Variants in DMKN observed in about 807,000 individuals in gnomAD.
The protein encoded by DMKN is dermokine, also known as epidermis-specific secreted protein SK30/SK89.
Under a neutral mutation model 67.6 loss-of-function variants are expected in DMKN, and 58 were observed. The ratio of observed to expected loss-of-function variants is 0.86; its 90% CI spans 0.69 to 1.07. The LOEUF is 1.07. DMKN is among the 50% of genes least tolerant of loss of function. The probability of loss-of-function intolerance (pLI) is 0.00; values close to 1 mark genes in which losing one functional copy is unlikely to be tolerated. For missense variants in DMKN, 596 were observed against 601.5 expected (o/e 0.99, Z 0.10); for synonymous variants, 240 against 232.3 (o/e 1.03, Z -0.30).
At chr19:35,505,835 C>T (rs892982843) in intron 8 of DMKN, 70 bp from the exon 9 acceptor site, 1 of 1,613,202 alleles carries the variant, frequency 6.2e-7, no homozygotes, top group African/African-American at 1.3e-5. Flanking sequence ...AGGTCAAGGG[C>T]CACTGCTGAC....
intron 5 of DMKN, chr19:35,510,508 G>C (rs1229892487): frequency 7.1e-6 from 11 of 1,548,062 alleles, no homozygotes; most frequent in African/African-American, 1.4e-5. Context: ...CCGCAGGCCG[G>C]GGGTGGGAAC....
chr19:35,501,959 C>A, intron 11 of DMKN, 177 bp downstream of exon 11: 1 of 1,550,222 alleles, frequency 6.5e-7, no homozygotes, highest in East Asian at 2.4e-5. Flanking sequence ...GAGGTCCTCC[C>A]ACCCTGCTCC....
chr19:35,503,814 T>G (rs2068902287), intron 9 of DMKN, among the ~76,000 whole-genome samples: 1 of 151,950 alleles, frequency 6.6e-6, no homozygotes. Flanking sequence ...AAATAGGAAT[T>G]CCAGGGCATT....
rs1481801810 is a variant in DMKN, at chr19:35,513,600, C to CT, written c.-126dup. ...CCTTCCGACTCCCTGTCCTCCCTCC[C>CT]TCTGGGTCTGCAGCCTTCTCTCTCC... On this transcript the variant is annotated 5_prime_UTR_variant, in exon 1 of 16. Transcript: ENST00000339686. 2 of 1,274,914 alleles carry CT rather than the reference C, an allele frequency of 1.6e-6. No individual in the cohort carries two copies. The highest frequency in any genetic ancestry group is 2.1e-6 in the Non-Finnish European group (2 of 951,108). The allele number at this position is 1,274,914 out of a possible 1,614,324, so 79.0% of individuals were successfully genotyped here.
rs370899637 is a variant in DMKN at position 35,510,018 on chromosome 19, C to A, written c.988-57G>T. ...CAGTCCCCTCCCAGACCAGTCCCAG[C>A]CCCAAAATGGCAGCATTTTAACCCT... On this transcript the variant is annotated intron_variant, in intron 6 of 15. Transcript: ENST00000339686. The A allele has an allele frequency of 6.8e-6, 11 of 1,607,976 alleles. No homozygotes were observed. In the South Asian group the frequency reaches 7.7e-5, roughly 11 times the overall value.
At position 35,513,462 on chromosome 19, in the gene DMKN, C is replaced by T; in HGVS notation, c.14G>A (p.Gly5Glu). Residue 5 changes from glycine to glutamate, a missense_variant, in exon 1 of 16, where the codon GGG (glycine) becomes GAG (glutamate). By Grantham distance (98) the Gly-to-Glu change is moderately conservative. Coordinates refer to ENST00000339686, the MANE Select transcript of DMKN (RefSeq NM_033317.5). The stretch of plus-strand genomic sequence containing the variant: ...GGCCAGCAGGAGGCAGGCCAGGGGC[C>T]CCTGGAACTTCATCTCTGCCCAGCC... MKFQ[G>E]PLACLLLALC... is the part of the protein sequence containing the mutation. 1.3e-6 allele frequency: 2 copies of T among 1,597,410 alleles called. No homozygotes were observed. Among genetic ancestry groups the T allele is most frequent in the Non-Finnish European group, 1.7e-6 (2 of 1,178,878 alleles).
At chr19:35,505,867 C>G (rs1470573457) in intron 8 of DMKN, 72 bp downstream of exon 8, 1 of 1,613,626 alleles carries the variant, frequency 6.2e-7, no homozygotes, top group Non-Finnish European at 8.5e-7. Flanking sequence ...AAAGAGGACC[C>G]CAGACTGTGG....
intron 9 of DMKN, 116 bp from the exon 10 acceptor site, chr19:35,503,002 A>T: frequency 1.6e-6 from 2 of 1,228,104 alleles, no homozygotes; most frequent in Non-Finnish European, 2.3e-6. Flanking sequence ...AAGGTTGGGG[A>T]TGGGAGGAGC....
chr19:35,502,885 T>C lies in DMKN; in HGVS notation c.1136A>G (p.Asn379Ser), dbSNP rs746893178. ...TCGGGTGCTGGGGGGCGGGACCTGG[T>C]TCTGTGGATGAAAGGCGGGGAGCAG... is the stretch of plus-strand genomic sequence containing the variant. ...GFINWDAINK[N>S]QVPPPSTRAL... is the part of the protein sequence containing the mutation. The change falls in exon 10 of 16, where the codon AAC becomes AGC. Residue 379 changes from asparagine to serine, a missense_variant and splice_region_variant. Physicochemically the swap from Asn to Ser is conservative, Grantham distance 46 (BLOSUM62 1). Transcript: ENST00000339686. 7 of 1,613,522 alleles carry C rather than the reference T, an allele frequency of 4.3e-6. No individual in the cohort carries two copies. The highest frequency in any genetic ancestry group is 1.6e-4 in the Middle Eastern group (1 of 6,066).
rs543917875 is a variant in DMKN, at chr19:35,504,433, C to T, written c.1134+1285G>A. On this transcript the variant is annotated intron_variant, in intron 9 of 15. Transcript: ENST00000339686. ...CTCTACTAAAAATACAAACATTACCCGGGTGTGGTGGCGGGCACCTGTAAA... is the reference window on the plus strand; with the variant it reads ...CTCTACTAAAAATACAAACATTACCTGGGTGTGGTGGCGGGCACCTGTAAA... Among the ~76,000 whole-genome samples, 26 of 151,934 alleles carry T rather than the reference C, an allele frequency of 1.7e-4. 1 individual carries two copies. In the South Asian group the frequency reaches 4.0e-3, roughly 23 times the overall value.
intron 9 of DMKN, chr19:35,503,468 T>TG (rs2068790342): frequency 6.7e-7 from 1 of 1,490,260 alleles, no homozygotes; most frequent in Non-Finnish European, 8.9e-7. Flanking sequence ...AAACAGGTTT[T>TG]TTTTTGTTTT....
Position 35,512,691 on chromosome 19 carries a change from A to G in DMKN, c.526T>C (p.Tyr176His), listed in dbSNP as rs1445637496. 6.2e-6 allele frequency: 10 copies of G among 1,614,058 alleles called. No individual in the cohort carries two copies. The highest frequency in any genetic ancestry group is 8.5e-6 in the Non-Finnish European group (10 of 1,180,030). Reference sequence around the variant, plus strand: ...AAGCTGCCTGCTGAGTTTCCGGGGTATCCGTGGACCCACGGAGTCCCCAGA... The same window carrying G: ...AAGCTGCCTGCTGAGTTTCCGGGGTGTCCGTGGACCCACGGAGTCCCCAGA... ...GGLGTPWVHG[Y>H]PGNSAGSFGM... Residue 176 changes from tyrosine to histidine, a missense_variant, in exon 2 of 16, where the codon TAC becomes CAC. Tyr to His is a moderately conservative substitution (Grantham distance 83). Coordinates refer to ENST00000339686, the MANE Select transcript of DMKN (RefSeq NM_033317.5).
At chr19:35,510,426 A>T in intron 5 of DMKN, 174 bp from the exon 6 acceptor site, 1 of 1,552,342 alleles carries the variant, frequency 6.4e-7, no homozygotes, top group Non-Finnish European at 8.7e-7. Flanking sequence ...TATTCCGAGC[A>T]TGGAGAAGGC....
intron 12 of DMKN, 24 bp from the exon 13 acceptor site, chr19:35,500,053 G>A: frequency 6.2e-7 from 1 of 1,613,868 alleles, no homozygotes; most frequent in Non-Finnish European, 8.5e-7. Flanking sequence ...GGGCATGGCG[G>A]TTAGAACAGA....
Position 35,497,519 on chromosome 19 carries a change from T to C in DMKN, c.*20A>G, listed in dbSNP as rs1241603746. On this transcript the variant is annotated 3_prime_UTR_variant, in exon 16 of 16. Transcript: ENST00000339686. ...CGACCAGTGCTTTTCGGGGCCTCGG[T>C]GGTGGTTGCAAGAAATTGCCTAGAA... 1 of 152,002 alleles carries C rather than the reference T, an allele frequency of 6.6e-6. No homozygotes were observed. Among genetic ancestry groups the C allele is most frequent in the African/African-American group, 2.4e-5 (1 of 41,370 alleles). 9.4% of individuals were successfully genotyped at this position (152,002 alleles called of 1,614,324 possible). A position where few individuals can be genotyped will look rare whatever the true frequency, so the allele number is the denominator to read the frequency against.
chr19:35,502,525 C>T (rs1165683997), intron 10 of DMKN, among the ~76,000 whole-genome samples: 1 of 151,772 alleles, frequency 6.6e-6, no homozygotes, highest in Admixed American at 6.6e-5. Context: ...TGGTATAAAC[C>T]CTGTCTCTAC....
At chr19:35,511,894 C>T in intron 3 of DMKN, 81 bp from the exon 4 acceptor site, 1 of 1,446,384 alleles carries the variant, frequency 6.9e-7, no homozygotes, top group Non-Finnish European at 9.3e-7. Flanking sequence ...GGCCAGGCCT[C>T]TCCCATTCTT....
At chr19:35,499,313 C>T (rs1283468149) in intron 13 of DMKN, 1 of 251,672 alleles carries the variant, frequency 4.0e-6, no homozygotes, top group Middle Eastern at 1.4e-3. Context: ...GTGGAAGGTC[C>T]TCTCCCCAAG....
In DMKN at chr19:35,503,402, G is replaced by A. The variant is rs759788232; in HGVS notation, c.1135-516C>T. On this transcript the variant is annotated intron_variant, in intron 9 of 15. Transcript: ENST00000339686. The stretch of plus-strand genomic sequence containing the variant: ...AGTGTGGGGGCTCCCATCCAATCTG[G>A]TGGCTCCTTGTCTGGAGGTCACGGG... The A allele has an allele frequency of 1.9e-6, 3 of 1,551,484 alleles. No homozygotes were observed. The South Asian group carries it at 3.6e-5, about 18-fold the overall frequency.
Sources: allele counts gnomAD v4.1 joint callset (sites outside exome capture counted in the v4.1 genomes callset), GRCh38; gene constraint gnomAD v4.1.1; transcripts MANE v1.5; gene names NCBI Gene and HGNC (gene_info 2026-07-23, HGNC 2026-07-21).